The following RNF144A variants were observed in gnomAD, a reference collection of about 807,000 sequenced individuals.
RNF144A encodes the protein E3 ubiquitin-protein ligase RNF144A.
In RNF144A, 11 loss-of-function variants were observed where a neutral mutation model predicts 38.7. The ratio of observed to expected loss-of-function variants is 0.28; its 90% confidence interval spans 0.18 to 0.47. RNF144A has a LOEUF of 0.47. RNF144A is among the 20% of genes least tolerant of loss of function. The probability of loss-of-function intolerance (pLI) is 0.99; values close to 1 mark genes in which losing one functional copy is unlikely to be tolerated. For synonymous variants in RNF144A, 149 were observed against 143.9 expected, an observed-to-expected ratio of 1.04 and a Z score of -0.25; for missense variants, 316 against 377.2, an observed-to-expected ratio of 0.84 and a Z score of 1.34.
intron 6 of RNF144A, among the ~76,000 whole-genome samples, chr2:7,063,700 G>GA (rs1436167275): frequency 6.6e-6 from 1 of 151,944 alleles, no homozygotes; most frequent in Non-Finnish European, 1.5e-5. Context: ...GCAGTGGAGG[G>GA]AAAAAATGGG....
intron 2 of RNF144A, among the ~76,000 whole-genome samples, chr2:6,942,990 GAA>G (rs947009025): frequency 5.3e-5 from 8 of 152,092 alleles, no homozygotes; most frequent in African/African-American, 1.7e-4. Flanking sequence ...ATCTCAATTT[GAA>G]AAAGAGATTC....
intron 1 of RNF144A, among the ~76,000 whole-genome samples, chr2:6,939,180 C>CA (rs1365151802): frequency 6.6e-6 from 1 of 152,212 alleles, no homozygotes; most frequent in Non-Finnish European, 1.5e-5. Flanking sequence ...AAAGCAGCTG[C>CA]ACCACTTTAC....
chr2:6,976,602 TATATAATGATATATGTC>T (rs1668332040), intron 2 of RNF144A, among the ~76,000 whole-genome samples: 1 of 148,470 alleles, frequency 6.7e-6, no homozygotes, highest in Non-Finnish European at 1.5e-5. Flanking sequence ...ATAAATTTCA[TATATAATGATATATGTC>T]ATATATACAT....
At chr2:7,039,566 C>CT in intron 8 of RNF144A, 63 bp from the exon 9 acceptor site, 1 of 1,592,364 alleles carries the variant, frequency 6.3e-7, no homozygotes, top group Non-Finnish European at 8.6e-7. Flanking sequence ...GTGGTTTACA[C>CT]TTTAGCTCTG....
chr2:7,068,655 C>A (rs994885213), downstream of RNF144A, among the ~76,000 whole-genome samples: 1 of 152,266 alleles, frequency 6.6e-6, no homozygotes, highest in South Asian at 2.1e-4. Context: ...GGGGGTTTTG[C>A]TGAGCATAAC....
intron 6 of RNF144A, among the ~76,000 whole-genome samples, chr2:7,055,142 A>T (rs921586777): frequency 2.0e-5 from 3 of 151,646 alleles, no homozygotes; most frequent in Admixed American, 6.6e-5. Context: ...CTTTCTGGCA[A>T]TTTTTTTCTC....
chr2:6,923,326 T>C (rs191422834), intron 1 of RNF144A, among the ~76,000 whole-genome samples: 1 of 152,324 alleles, frequency 6.6e-6, no homozygotes, highest in Non-Finnish European at 1.5e-5. Flanking sequence ...TTTGTTAACT[T>C]TCTTGGGAAG....
chr2:7,006,590 G>A (rs1214385742), intron 3 of RNF144A, among the ~76,000 whole-genome samples: 2 of 152,032 alleles, frequency 1.3e-5, no homozygotes, highest in South Asian at 2.1e-4. Context: ...TTCACAGGTG[G>A]GTCCTGGTAC....
rs545749124 is a variant in RNF144A, at chr2:7,004,003, A to T, written c.135+6942A>T. ...TAGCTCCCAAACTAATGAATGGGGA[A>T]CCTTGGGCAAGTCCTTTAACTTCCC... On this transcript the variant is annotated intron_variant, in intron 3 of 8. Transcript: ENST00000320892. 5.3e-5 allele frequency among the ~76,000 whole-genome samples: 8 copies of T among 152,344 alleles called. No individual in the cohort carries two copies. The South Asian group carries it at 1.0e-3, about 20-fold the overall frequency.
intron 3 of RNF144A, among the ~76,000 whole-genome samples, chr2:7,011,537 G>C (rs1279230783): frequency 6.6e-6 from 1 of 152,186 alleles, no homozygotes; most frequent in Admixed American, 6.5e-5. Flanking sequence ...ATGTGAGCAT[G>C]GTAACACGCC....
At chr2:7,003,422 T>TTTTA (rs1315360296) in intron 3 of RNF144A, among the ~76,000 whole-genome samples, 1 of 152,228 alleles carries the variant, frequency 6.6e-6, no homozygotes, top group Non-Finnish European at 1.5e-5. Context: ...TTATAGCATA[T>TTTTA]TTTAAACCTC....
In RNF144A at chr2:6,944,696, C is replaced by T. The variant is rs1408219024; in HGVS notation, c.-12+3549C>T. Among the ~76,000 whole-genome samples, 2 of 152,002 alleles carry T rather than the reference C, an allele frequency of 1.3e-5. No individual in the cohort carries two copies. The highest frequency in any genetic ancestry group is 4.2e-4 in the South Asian group (2 of 4,792). ...AGGTGTGAGGGAGACATTAAAGAAC[C>T]CTGGAGAAAACACATCACGAGGCCA... On this transcript the variant is annotated intron_variant, in intron 2 of 8. Transcript: ENST00000320892. The surrounding 1 kb of genome is among the most constrained non-coding windows in gnomAD (Gnocchi z 4.7).
chr2:7,038,029 G>A (rs1672796605), intron 8 of RNF144A, among the ~76,000 whole-genome samples: 1 of 152,256 alleles, frequency 6.6e-6, no homozygotes, highest in Non-Finnish European at 1.5e-5. Context: ...TCTTTGACCA[G>A]CCATGCCGCC....
At chr2:6,921,396 G>A (rs543082550) in intron 1 of RNF144A, among the ~76,000 whole-genome samples, 2 of 152,336 alleles carry the variant, frequency 1.3e-5, no homozygotes, top group East Asian at 3.9e-4. Context: ...AGGTGGAGGA[G>A]GTGGTTGATA....
chr2:6,926,155 A>G (rs1664851267), intron 1 of RNF144A, among the ~76,000 whole-genome samples: 1 of 152,160 alleles, frequency 6.6e-6, no homozygotes, highest in African/African-American at 2.4e-5. Flanking sequence ...CCTTTGCCCC[A>G]TCATGCAAAA....
At chr2:7,075,796 A>G in the RNF144A span, among the ~76,000 whole-genome samples, 4 of 152,280 alleles carry the variant, frequency 2.6e-5, no homozygotes, top group African/African-American at 9.6e-5. Flanking sequence ...CATCACTTCC[A>G]CTATATGCTA....
intron 3 of RNF144A, among the ~76,000 whole-genome samples, chr2:7,006,306 C>A (rs138202055): frequency 1.3e-5 from 2 of 151,958 alleles, no homozygotes; most frequent in Non-Finnish European, 2.9e-5. Context: ...AACTAAAATG[C>A]GGAGGATGAA....
intron 2 of RNF144A, among the ~76,000 whole-genome samples, chr2:6,992,420 C>T (rs184148533): frequency 3.3e-5 from 5 of 152,234 alleles, no homozygotes; most frequent in East Asian, 1.9e-4. Flanking sequence ...CGGGAGACAG[C>T]GGGGAGACGT....
downstream of RNF144A, among the ~76,000 whole-genome samples, chr2:7,071,668 T>G (rs977070465): frequency 8.5e-5 from 13 of 152,212 alleles, no homozygotes; most frequent in Admixed American, 8.5e-4. Context: ...ACACTGTGCT[T>G]CTTAAGGTTT....
Sources: gnomAD v4.1 joint callset for allele counts (sites outside exome capture counted in the v4.1 genomes callset) on GRCh38, gnomAD v4.1.1 for gene constraint, Gnocchi (gnomAD v3.1) non-coding constraint, MANE v1.5 for transcripts, NCBI Gene and HGNC (gene_info 2026-07-23, HGNC 2026-07-21) for gene names.